Variants in CADPS2 observed in about 807,000 individuals in gnomAD.
CADPS2 encodes the protein calcium dependent secretion activator 2.
Under a neutral mutation model 172.5 loss-of-function variants are expected in CADPS2, and 93 were observed. The observed-to-expected ratio is 0.54, with a 90% CI of 0.46 to 0.64. The LOEUF (loss-of-function observed/expected upper bound fraction) is 0.64. Among genes scored for constraint, CADPS2 ranks in the 30% least tolerant of loss-of-function variants. The pLI is 0.00. For missense variants in CADPS2, 1,420 were observed against 1,565.9 expected, an observed-to-expected ratio of 0.91 and a Z score of 1.57; for synonymous variants, 546 against 555.2, an observed-to-expected ratio of 0.98 and a Z score of 0.23.
Position 122,605,023 on chromosome 7 carries a change from A to G in CADPS2, c.1223+10158T>C, listed in dbSNP as rs565730165. Among the ~76,000 whole-genome samples the G allele has an allele frequency of 2.0e-4, 30 of 152,322 alleles. No individual in the cohort carries two copies. The South Asian group carries it at 6.2e-3, about 32-fold the overall frequency. On this transcript the variant is annotated intron_variant, in intron 6 of 29. Transcript: ENST00000449022. ...TTGCTCCTGGGCTACAAACCTGTAT[A>G]GCATGTATTGTCCTAAATACTGTAG...
At chr7:122,506,095 C>T (rs2059588042) in intron 9 of CADPS2, among the ~76,000 whole-genome samples, 1 of 152,164 alleles carries the variant, frequency 6.6e-6, no homozygotes, top group Admixed American at 6.5e-5. Flanking sequence ...GCTCCCTGTG[C>T]TCCCACTTAG....
chr7:122,452,460 A>C (rs758844702), intron 14 of CADPS2, among the ~76,000 whole-genome samples: 33 of 152,230 alleles, frequency 2.2e-4, no homozygotes, highest in Non-Finnish European at 4.0e-4. Context: ...CAATGGCACG[A>C]TCTTGGCTCA....
At chr7:122,397,560 A>G (rs915403594) in intron 20 of CADPS2, among the ~76,000 whole-genome samples, 3 of 151,960 alleles carry the variant, frequency 2.0e-5, no homozygotes, top group Admixed American at 6.6e-5. Context: ...AGCTACAGAA[A>G]TACACCCTAC....
chr7:122,636,347 A>G (rs1563921588), intron 3 of CADPS2, among the ~76,000 whole-genome samples: 2 of 151,760 alleles, frequency 1.3e-5, no homozygotes, highest in African/African-American at 4.8e-5. Context: ...TTTCTCCTTC[A>G]CTTAGGAAGC....
At position 122,349,341 on chromosome 7, in the gene CADPS2, C is replaced by T. The variant is rs1287484039; in HGVS notation, c.3505-3660G>A. Among the ~76,000 whole-genome samples, 3 of 152,168 alleles carry T rather than the reference C, an allele frequency of 2.0e-5. No individual in the cohort carries two copies. In the East Asian group the frequency reaches 5.8e-4, roughly 29 times the overall value. Reference sequence around the variant, plus strand: ...AATAACAAAAACCATATAGTAAGTACTCTATGTATTAAATGCCATTTCGGA... The same window carrying T: ...AATAACAAAAACCATATAGTAAGTATTCTATGTATTAAATGCCATTTCGGA... On this transcript the variant is annotated intron_variant, in intron 27 of 29. Coordinates refer to ENST00000449022, the MANE Select transcript of CADPS2 (RefSeq NM_017954.11).
At chr7:122,576,705 G>T (rs1176605979) in intron 7 of CADPS2, among the ~76,000 whole-genome samples, 1 of 151,884 alleles carries the variant, frequency 6.6e-6, no homozygotes, top group East Asian at 1.9e-4. Flanking sequence ...CCAGGTGGAG[G>T]TAACTGGATC....
At chr7:122,827,747 C>A (rs757552048) in intron 1 of CADPS2, among the ~76,000 whole-genome samples, 1 of 151,908 alleles carries the variant, frequency 6.6e-6, no homozygotes, top group Non-Finnish European at 1.5e-5. Context: ...GTGGCATTAT[C>A]CTGATATCAA....
intron 19 of CADPS2, among the ~76,000 whole-genome samples, chr7:122,409,795 G>A (rs950528418): frequency 2.0e-5 from 3 of 152,120 alleles, no homozygotes; most frequent in African/African-American, 7.2e-5. Flanking sequence ...TCCCTCCCTA[G>A]GGTATTACTT....
intron 14 of CADPS2, among the ~76,000 whole-genome samples, chr7:122,462,366 A>G (rs1376723067): frequency 3.1e-5 from 4 of 130,768 alleles, no homozygotes; most frequent in Admixed American, 7.9e-5. Flanking sequence ...ATAAACTGTT[A>G]AGAGAAAAAA....
chr7:122,727,072 T>A (rs573158079), intron 2 of CADPS2, among the ~76,000 whole-genome samples: 139 of 152,102 alleles, frequency 9.1e-4, no homozygotes, highest in Non-Finnish European at 1.3e-3. Flanking sequence ...TTTTCCCTCA[T>A]GAAAGACACA....
At chr7:122,533,751 A>G (rs1254269322) in intron 8 of CADPS2, among the ~76,000 whole-genome samples, 1 of 152,198 alleles carries the variant, frequency 6.6e-6, no homozygotes. Flanking sequence ...ACGATTCTCA[A>G]TATGTAATCA....
intron 3 of CADPS2, among the ~76,000 whole-genome samples, chr7:122,657,868 G>C (rs1206519378): frequency 1.3e-5 from 2 of 152,128 alleles, no homozygotes; most frequent in Admixed American, 1.3e-4. Context: ...TGGTGAGAGA[G>C]GGCATCCCTG....
At chr7:122,820,784 C>T (rs1250803527) in intron 1 of CADPS2, among the ~76,000 whole-genome samples, 1 of 136,360 alleles carries the variant, frequency 7.3e-6, no homozygotes, top group East Asian at 2.0e-4. Flanking sequence ...TGGTCTCGAT[C>T]TCCTGACCTC....
chr7:122,375,136 A>G (rs545749381), intron 25 of CADPS2, among the ~76,000 whole-genome samples: 10 of 152,314 alleles, frequency 6.6e-5, no homozygotes, highest in African/African-American at 2.2e-4. Flanking sequence ...TGATCTACAT[A>G]TTTAATGCAA....
chr7:122,655,213 C>T (rs943975264), intron 3 of CADPS2, among the ~76,000 whole-genome samples: 4 of 152,124 alleles, frequency 2.6e-5, no homozygotes, highest in African/African-American at 7.2e-5. Flanking sequence ...TTTATATAAA[C>T]GTAGCTGATA....
chr7:122,744,775 T>C (rs1263801767), intron 1 of CADPS2, among the ~76,000 whole-genome samples: 1 of 152,168 alleles, frequency 6.6e-6, no homozygotes, highest in Non-Finnish European at 1.5e-5. Flanking sequence ...CAGCACTAAG[T>C]GAATGACGCC....
At position 122,377,138 on chromosome 7, in the gene CADPS2, G is replaced by C. The variant is rs867213513; in HGVS notation, c.3387+2230C>G. Among the ~76,000 whole-genome samples, 90 of 152,068 alleles carry C rather than the reference G, an allele frequency of 5.9e-4. 1 individual carries two copies. Among genetic ancestry groups the C allele is most frequent in the Non-Finnish European group, 1.3e-4 (9 of 67,972 alleles). ...AATATAATATCCAGTATTATACGAGGCTCTTTTAATCAAAATTAAATTAAA... is the reference window on the plus strand; with the variant it reads ...AATATAATATCCAGTATTATACGAGCCTCTTTTAATCAAAATTAAATTAAA... On this transcript the variant is annotated intron_variant, in intron 25 of 29. Coordinates refer to ENST00000449022, the MANE Select transcript of CADPS2 (RefSeq NM_017954.11).
intron 14 of CADPS2, among the ~76,000 whole-genome samples, chr7:122,458,644 G>T (rs1179835660): frequency 6.6e-6 from 1 of 152,134 alleles, no homozygotes; most frequent in Non-Finnish European, 1.5e-5. Flanking sequence ...AAAAAGGGTA[G>T]ATACCACTAT....
intron 12 of CADPS2, among the ~76,000 whole-genome samples, chr7:122,476,368 T>TA (rs1369961402): frequency 6.6e-6 from 1 of 151,866 alleles, no homozygotes; most frequent in South Asian, 2.1e-4. Context: ...GTGAAAAAAG[T>TA]AAAAAAATCT....
Sources: gnomAD v4.1 joint callset for allele counts (sites outside exome capture counted in the v4.1 genomes callset) on GRCh38, gnomAD v4.1.1 for gene constraint, MANE v1.5 for transcripts, NCBI Gene and HGNC (gene_info 2026-07-23, HGNC 2026-07-21) for gene names.